WNT7B: variants seen among roughly 807,000 people sequenced by gnomAD.
The protein encoded by WNT7B is protein Wnt-7b.
Under a neutral mutation model 38.2 loss-of-function variants are expected in WNT7B, and 19 were observed. The ratio of observed to expected loss-of-function variants is 0.50; its 90% CI spans 0.35 to 0.73. The LOEUF (loss-of-function observed/expected upper bound fraction) is 0.73. Ranked by LOEUF, WNT7B falls within the 30% of genes least tolerant of loss-of-function variation. The pLI, the probability that WNT7B is intolerant of heterozygous loss-of-function variation, is 0.01. For synonymous variants in WNT7B, 243 were observed against 209.3 expected (o/e 1.16, Z -1.39); for missense variants, 423 against 507.9 (o/e 0.83, Z 1.61).
intron 1 of WNT7B, among the ~76,000 whole-genome samples, chr22:45,957,639 T>C (rs1341600595): frequency 2.6e-5 from 3 of 116,048 alleles, no homozygotes; most frequent in Non-Finnish European, 3.2e-5. Context: ...GCCGAGATCA[T>C]GCCACTGCAC....
At chr22:45,950,315 A>C (rs147865352) in intron 1 of WNT7B, among the ~76,000 whole-genome samples, 169 bp from the exon 2 acceptor site, 27 of 152,204 alleles carry the variant, frequency 1.8e-4, no homozygotes, top group Non-Finnish European at 2.2e-4. Flanking sequence ...ATCAACTCAC[A>C]TGCGTGACCC....
At chr22:45,936,163 T>C (rs1174364381) in intron 2 of WNT7B, 5 of 985,460 alleles carry the variant, frequency 5.1e-6, no homozygotes, top group Non-Finnish European at 6.0e-6. Flanking sequence ...GATTCACTGT[T>C]TCCAGTGCAG....
chr22:45,924,655 A>G (rs10429662), intron 3 of WNT7B, among the ~76,000 whole-genome samples: 26,523 of 148,600 alleles, frequency 0.18, 2,675 homozygotes, highest in African/African-American at 0.28. Flanking sequence ...GGTGGGTGCC[A>G]GGTGGGCCCT....
At chr22:45,927,535 A>G in intron 3 of WNT7B, 1 of 1,509,096 alleles carries the variant, frequency 6.6e-7, no homozygotes, top group Non-Finnish European at 9.0e-7. Context: ...GGTCAAGGAA[A>G]CAACGGAGAG....
intron 3 of WNT7B, chr22:45,926,507 G>A (rs775116350): frequency 3.0e-6 from 3 of 985,334 alleles, no homozygotes; most frequent in Non-Finnish European, 2.4e-6. Context: ...AGGCAGGGGA[G>A]TCATGGGGTT....
At chr22:45,968,281 G>A (rs9330813) in intron 1 of WNT7B, among the ~76,000 whole-genome samples, 42,687 of 152,040 alleles carry the variant, frequency 0.28, 6,791 homozygotes, top group East Asian at 0.65. Flanking sequence ...CAGCCACTGG[G>A]CCTCCCTCTG....
intron 2 of WNT7B, chr22:45,936,109 T>G (rs528485572): frequency 2.0e-6 from 2 of 985,240 alleles, no homozygotes; most frequent in South Asian, 9.4e-5. Flanking sequence ...GAGCACTGGG[T>G]GGGTTTCTGA....
chr22:45,939,890 C>T (rs1157036471), intron 2 of WNT7B, among the ~76,000 whole-genome samples: 1 of 152,180 alleles, frequency 6.6e-6, no homozygotes, highest in African/African-American at 2.4e-5. Flanking sequence ...CCAAAGGCCA[C>T]ATATAGTGTG....
At chr22:45,934,362 T>TG (rs1487215644) in intron 2 of WNT7B, among the ~76,000 whole-genome samples, 7 of 152,032 alleles carry the variant, frequency 4.6e-5, no homozygotes, top group Non-Finnish European at 1.0e-4. Context: ...TCTGTGGACC[T>TG]GGGGGAAAGG....
chr22:45,929,427 TCCAC>T (rs1238617142), intron 3 of WNT7B, among the ~76,000 whole-genome samples: 5 of 149,722 alleles, frequency 3.3e-5, no homozygotes, highest in Non-Finnish European at 7.4e-5. Flanking sequence ...CACTCATCCA[TCCAC>T]CCACCCACTG....
intron 1 of WNT7B, among the ~76,000 whole-genome samples, chr22:45,969,108 G>C (rs1305477244): frequency 1.3e-5 from 2 of 152,254 alleles, no homozygotes; most frequent in African/African-American, 4.8e-5. Context: ...CGAGGGTCAT[G>C]GCCACAGCAC....
chr22:45,945,032 G>A (rs186172598), intron 2 of WNT7B, among the ~76,000 whole-genome samples: 4 of 152,334 alleles, frequency 2.6e-5, no homozygotes, highest in East Asian at 3.9e-4. Context: ...GCAGGTGTCC[G>A]CTGAAATTTT....
At chr22:45,948,116 C>T (rs1931839806) in intron 2 of WNT7B, among the ~76,000 whole-genome samples, 1 of 152,240 alleles carries the variant, frequency 6.6e-6, no homozygotes, top group African/African-American at 2.4e-5. Flanking sequence ...CGAGGGACAC[C>T]TGATCGACGC....
chr22:45,958,218 C>A (rs1047988393), intron 1 of WNT7B, among the ~76,000 whole-genome samples: 5 of 152,154 alleles, frequency 3.3e-5, no homozygotes, highest in African/African-American at 4.8e-5. Flanking sequence ...CTGGCTAAGA[C>A]CCTCACCTGG....
chr22:45,931,070 GCCCCCACCA>G lies in WNT7B; in HGVS notation c.570+19_570+27del. ...GGGTGATACAGCGGTCCCAGCTACGGCCCCCACCAGCCGCACCCGCACCCTACCTTCCTG... is the reference window on the plus strand; with the variant it reads ...GGGTGATACAGCGGTCCCAGCTACGGGCCGCACCCGCACCCTACCTTCCTG... On this transcript the variant is annotated intron_variant, in intron 3 of 3. Transcript: ENST00000339464. 6.5e-7 allele frequency: 1 copy of G among 1,541,320 alleles called. No individual in the cohort carries two copies. The highest frequency in any genetic ancestry group is 8.7e-7 in the Non-Finnish European group (1 of 1,146,048).
intron 2 of WNT7B, among the ~76,000 whole-genome samples, chr22:45,948,880 T>G (rs1931860870): frequency 6.7e-6 from 1 of 148,364 alleles, no homozygotes; most frequent in African/African-American, 2.5e-5. Flanking sequence ...AGTCTTGCTC[T>G]TTTACGCAGA....
intron 2 of WNT7B, among the ~76,000 whole-genome samples, chr22:45,941,760 G>A (rs1931654812): frequency 6.6e-6 from 1 of 152,228 alleles, no homozygotes; most frequent in African/African-American, 2.4e-5. Flanking sequence ...AACTCCCCAT[G>A]GAACTGGGGC....
chr22:45,969,941 T>C lies in WNT7B; in HGVS notation c.71+6743A>G, dbSNP rs532882267. The stretch of plus-strand genomic sequence containing the variant: ...GACACTCACCCCCACCTCTCACAGC[T>C]CTCCAAGCACTTGCTGCTGGCTGCC... On this transcript the variant is annotated intron_variant, in intron 1 of 3. Transcript: ENST00000339464. 9.9e-5 allele frequency among the ~76,000 whole-genome samples: 15 copies of C among 152,206 alleles called. No homozygotes were observed. The East Asian group carries it at 2.9e-3, about 29-fold the overall frequency.
At chr22:45,936,195 A>C in intron 2 of WNT7B, 1 of 983,864 alleles carries the variant, frequency 1.0e-6, no homozygotes, top group Non-Finnish European at 1.2e-6. Context: ...TGCCTCGGCA[A>C]GTTACCAGCC....
Sources: gnomAD v4.1 joint callset for allele counts (sites outside exome capture counted in the v4.1 genomes callset) on GRCh38, gnomAD v4.1.1 for gene constraint, MANE v1.5 for transcripts, NCBI Gene and HGNC (gene_info 2026-07-23, HGNC 2026-07-21) for gene names.